UNC13C: variants seen among roughly 807,000 people sequenced by gnomAD.
The protein encoded by UNC13C is unc-13 homolog C, also known as protein unc-13 homolog C.
A neutral mutation model predicts 245.4 loss-of-function variants in UNC13C; 174 were observed. The ratio of observed to expected loss-of-function variants is 0.71; its 90% CI spans 0.63 to 0.80. The LOEUF is 0.80. UNC13C is among the 30% of genes least tolerant of loss of function. UNC13C has a pLI of 0.00. For missense variants in UNC13C, 2,829 were observed against 2,602.9 expected, an observed-to-expected ratio of 1.09 and a Z score of -1.89; for synonymous variants, 992 against 895.1, an observed-to-expected ratio of 1.11 and a Z score of -1.93.
At chr15:54,629,422 G>GAATC (rs1425820092), downstream of UNC13C, 1 of 151,944 alleles carries the variant, frequency 6.6e-6, no homozygotes, top group Non-Finnish European at 1.5e-5. Context: ...ATGAACCCCT[G>GAATC]AATCTAAAAT....
chr15:54,048,380 C>T (rs1897130894), intron 2 of UNC13C, among the ~76,000 whole-genome samples: 1 of 152,210 alleles, frequency 6.6e-6, no homozygotes, highest in Non-Finnish European at 1.5e-5. Flanking sequence ...ACCGTATCAA[C>T]ATGTGTTTTG....
At chr15:53,886,860 C>T in the UNC13C span, among the ~76,000 whole-genome samples, 1 of 152,226 alleles carries the variant, frequency 6.6e-6, no homozygotes, top group Non-Finnish European at 1.5e-5. Context: ...TGACTCCAGT[C>T]TAATCATGAT....
intron 1 of UNC13C, among the ~76,000 whole-genome samples, chr15:53,994,233 C>T (rs1894517915): frequency 7.7e-6 from 1 of 130,356 alleles, no homozygotes; most frequent in Non-Finnish European, 1.6e-5. Flanking sequence ...ATTTAAATTC[C>T]TTACTGGCAG....
At chr15:54,338,338 A>G (rs1345652826) in intron 16 of UNC13C, 23 bp from the exon 17 acceptor site, 1 of 1,595,548 alleles carries the variant, frequency 6.3e-7, no homozygotes, top group Admixed American at 1.7e-5. Context: ...GCATTTGAGA[A>G]AATAAATGTC....
chr15:54,332,149 T>A (rs1291036757), intron 15 of UNC13C, 38 bp downstream of exon 15: 2 of 1,399,070 alleles, frequency 1.4e-6, no homozygotes, highest in Admixed American at 5.1e-5. Context: ...AAAACTGTTG[T>A]TTGGTCTAGA....
At chr15:53,957,641 A>G in the UNC13C span, among the ~76,000 whole-genome samples, 2 of 152,210 alleles carry the variant, frequency 1.3e-5, no homozygotes, top group Non-Finnish European at 2.9e-5. Flanking sequence ...ATTTTGTTTT[A>G]TAGCCCAGAA....
intron 10 of UNC13C, among the ~76,000 whole-genome samples, chr15:54,289,970 A>T (rs918292666): frequency 2.6e-5 from 4 of 152,072 alleles, no homozygotes; most frequent in Admixed American, 6.6e-5. Context: ...ACAAGGAGGG[A>T]TCTAGTCAAA....
chr15:54,140,172 G>T (rs1342100209), intron 2 of UNC13C, among the ~76,000 whole-genome samples: 1 of 151,954 alleles, frequency 6.6e-6, no homozygotes, highest in Non-Finnish European at 1.5e-5. Flanking sequence ...CTTAAAATTG[G>T]TAAAATTTCA....
intron 4 of UNC13C, among the ~76,000 whole-genome samples, chr15:54,144,555 G>A (rs948455283): frequency 1.3e-5 from 2 of 152,184 alleles, no homozygotes; most frequent in Admixed American, 6.5e-5. Flanking sequence ...CAGACAGCTA[G>A]TGAGTGACAA....
chr15:54,038,117 TA>T lies in UNC13C; in HGVS notation c.2983+22232del, dbSNP rs1203962384. ...ACATATACATATATATATATATATATATATATATTTTTTTTTTTTTTTTCCT... is the reference window on the plus strand; with the variant it reads ...ACATATACATATATATATATATATATTATATATTTTTTTTTTTTTTTTCCT... On this transcript the variant is annotated intron_variant, in intron 2 of 32. Transcript: ENST00000260323. Among the ~76,000 whole-genome samples the T allele has an allele frequency of 2.0e-3, 139 of 71,228 alleles. 5 individuals carry two copies. Among genetic ancestry groups the T allele is most frequent in the African/African-American group, 8.0e-3 (130 of 16,264 alleles). The allele number at this position is 71,228 out of a possible 152,430, so 46.7% of individuals were successfully genotyped here.
intron 10 of UNC13C, among the ~76,000 whole-genome samples, chr15:54,276,402 A>G (rs997263833): frequency 6.6e-6 from 1 of 152,116 alleles, no homozygotes. Flanking sequence ...CCACAAATTC[A>G]AGATGATATA....
Position 54,456,109 on chromosome 15 carries a change from T to C in UNC13C, c.4934-38499T>C, listed in dbSNP as rs370234195. On this transcript the variant is annotated intron_variant, in intron 19 of 32. Coordinates refer to ENST00000260323, the MANE Select transcript of UNC13C (RefSeq NM_001080534.3). ...TGGCTTGCCAATTATCCCAGCACCA[T>C]ATGTTGAATAGGGTTTCCTTTCCCC... is the stretch of plus-strand genomic sequence containing the variant. Among the ~76,000 whole-genome samples, 8 of 152,314 alleles carry C rather than the reference T, an allele frequency of 5.3e-5. 1 individual carries two copies. Among genetic ancestry groups the C allele is most frequent in the East Asian group, 1.9e-4 (1 of 5,174 alleles).
At chr15:54,432,661 C>A (rs1008554512) in intron 19 of UNC13C, among the ~76,000 whole-genome samples, 1 of 151,556 alleles carries the variant, frequency 6.6e-6, no homozygotes, top group African/African-American at 2.4e-5. Context: ...AGATCAAAAT[C>A]GACACCCTAA....
At chr15:54,519,988 A>T (rs1348671016) in intron 24 of UNC13C, among the ~76,000 whole-genome samples, 1 of 152,222 alleles carries the variant, frequency 6.6e-6, no homozygotes, top group Admixed American at 6.5e-5. Context: ...ACATAAAAAA[A>T]GCAAGAGCCC....
At chr15:54,503,668 C>T (rs1362501487) in intron 22 of UNC13C, among the ~76,000 whole-genome samples, 1 of 151,936 alleles carries the variant, frequency 6.6e-6, no homozygotes, top group Non-Finnish European at 1.5e-5. Context: ...TCATTATCAG[C>T]ATTTCTATCT....
At chr15:53,995,946 G>C (rs537975685) in intron 1 of UNC13C, among the ~76,000 whole-genome samples, 38 of 152,292 alleles carry the variant, frequency 2.5e-4, no homozygotes, top group South Asian at 2.5e-3. Context: ...GCAGTAGCTG[G>C]AGGAGGTAAT....
chr15:54,430,136 G>A (rs1276639437), intron 19 of UNC13C, among the ~76,000 whole-genome samples: 2 of 151,528 alleles, frequency 1.3e-5, no homozygotes, highest in African/African-American at 4.8e-5. Flanking sequence ...TGACATGTTT[G>A]ATAAGTGAAA....
In UNC13C at chr15:54,023,871, G is replaced by A. The variant is rs375595283; in HGVS notation, c.2983+7985G>A. Among the ~76,000 whole-genome samples the A allele has an allele frequency of 5.9e-5, 9 of 152,154 alleles. No homozygotes were observed. The South Asian group carries it at 1.9e-3, about 32-fold the overall frequency. ...ACTGTATCTCAGAGATTCAAGAAAT[G>A]ATGTTATGTCAAAACCTCAGATGAA... On this transcript the variant is annotated intron_variant, in intron 2 of 32. Transcript: ENST00000260323.
chr15:54,405,174 C>G (rs1001782063), intron 18 of UNC13C, among the ~76,000 whole-genome samples: 1 of 152,086 alleles, frequency 6.6e-6, no homozygotes, highest in Non-Finnish European at 1.5e-5. Flanking sequence ...GAAACAGTCC[C>G]AAGTTACACA....
Sources: allele counts gnomAD v4.1 joint callset (sites outside exome capture counted in the v4.1 genomes callset), GRCh38; gene constraint gnomAD v4.1.1; transcripts MANE v1.5; gene names NCBI Gene and HGNC (gene_info 2026-07-23, HGNC 2026-07-21).